The following ERGIC1 variants were observed in gnomAD, a reference collection of about 807,000 sequenced individuals.
ERGIC1 encodes endoplasmic reticulum-golgi intermediate compartment 1.
In ERGIC1, 19 loss-of-function variants were observed where a neutral mutation model predicts 38.3. The observed-to-expected ratio is 0.50, with a 90% CI of 0.35 to 0.73. The LOEUF (loss-of-function observed/expected upper bound fraction) is 0.73. Ranked by LOEUF, ERGIC1 falls within the 30% of genes least tolerant of loss-of-function variation. The probability of loss-of-function intolerance (pLI) is 0.01; values close to 1 mark genes in which losing one functional copy is unlikely to be tolerated. For missense variants in ERGIC1, 294 were observed against 389.2 expected, an observed-to-expected ratio of 0.76 and a Z score of 2.06; for synonymous variants, 124 against 157.6, an observed-to-expected ratio of 0.79 and a Z score of 1.60.
chr5:172,861,939 G>A (rs1761711530), intron 1 of ERGIC1, among the ~76,000 whole-genome samples: 1 of 151,992 alleles, frequency 6.6e-6, no homozygotes, highest in Non-Finnish European at 1.5e-5. Flanking sequence ...TTGTCCACTG[G>A]AAAGTTTAGA....
chr5:172,894,225 T>C (rs1762665125), intron 2 of ERGIC1, among the ~76,000 whole-genome samples: 1 of 133,302 alleles, frequency 7.5e-6, no homozygotes, highest in South Asian at 2.6e-4. Flanking sequence ...AGACGGAGTC[T>C]TGCTCTTTTA....
chr5:172,838,055 C>T (rs1236277559), intron 1 of ERGIC1, among the ~76,000 whole-genome samples: 1 of 152,210 alleles, frequency 6.6e-6, no homozygotes, highest in Non-Finnish European at 1.5e-5. Context: ...TGCCGCTGCA[C>T]TGGCACTGAC....
intron 1 of ERGIC1, among the ~76,000 whole-genome samples, chr5:172,877,652 T>G (rs941885171): frequency 2.6e-5 from 4 of 151,814 alleles, no homozygotes; most frequent in Admixed American, 1.3e-4. Flanking sequence ...ATCCTGGAGA[T>G]TCCCCTGTGA....
chr5:172,893,675 T>C (rs1021832885), intron 2 of ERGIC1, among the ~76,000 whole-genome samples: 7 of 151,502 alleles, frequency 4.6e-5, no homozygotes, highest in African/African-American at 1.7e-4. Flanking sequence ...TTTGGATTGA[T>C]AGCTGATCTC....
At chr5:172,935,368 G>A (rs1248767534) in intron 9 of ERGIC1, 58 bp downstream of exon 9, 6 of 1,608,682 alleles carry the variant, frequency 3.7e-6, no homozygotes, top group Non-Finnish European at 5.1e-6. Context: ...GCCTGCTCTG[G>A]GCCCCTTTCC....
rs543245104 is a variant in ERGIC1, at chr5:172,846,305, G to T, written c.20+11872G>T. ...GTGTGATGCTACGTGACTTAACAGCGCCTCTTTCTGCGCTGTCTGTGCAGG... is the reference window on the plus strand; with the variant it reads ...GTGTGATGCTACGTGACTTAACAGCTCCTCTTTCTGCGCTGTCTGTGCAGG... On this transcript the variant is annotated intron_variant, in intron 1 of 9. Coordinates refer to ENST00000393784, the MANE Select transcript of ERGIC1 (RefSeq NM_001031711.3). The surrounding 1 kb of genome is among the most constrained non-coding windows in gnomAD (Gnocchi z 4.0). Among the ~76,000 whole-genome samples, 1 of 152,302 alleles carries T rather than the reference G, an allele frequency of 6.6e-6. No individual in the cohort carries two copies. The highest frequency in any genetic ancestry group is 1.9e-4 in the East Asian group (1 of 5,184).
chr5:172,945,712 T>G (rs1377547670), intron 9 of ERGIC1, among the ~76,000 whole-genome samples: 1 of 152,080 alleles, frequency 6.6e-6, no homozygotes, highest in African/African-American at 2.4e-5. Flanking sequence ...GGCAACAGAG[T>G]CTTGCTCTGT....
intron 2 of ERGIC1, among the ~76,000 whole-genome samples, chr5:172,893,905 A>ATGTGTGTG (rs1554110394): frequency 0.015 from 236 of 15,518 alleles, 13 homozygotes; most frequent in African/African-American, 0.021. Context: ...ATATATATAT[A>ATGTGTGTG]TGTGTGTGTG....
chr5:172,858,957 C>T lies in ERGIC1; in HGVS notation c.20+24524C>T, dbSNP rs1053522255. Among the ~76,000 whole-genome samples the T allele has an allele frequency of 3.9e-5, 6 of 152,380 alleles. No individual in the cohort carries two copies. In the East Asian group the frequency reaches 1.2e-3, roughly 29 times the overall value. On this transcript the variant is annotated intron_variant, in intron 1 of 9. Transcript: ENST00000393784. ...TCTGTGTGGTCAAAAGCTACAAGGC[C>T]TGTGGCTGGGGGAGCTGTGCTGAGG...
chr5:172,848,993 C>T (rs1364143567), intron 1 of ERGIC1, among the ~76,000 whole-genome samples: 7 of 152,204 alleles, frequency 4.6e-5, no homozygotes, highest in Non-Finnish European at 1.0e-4. Context: ...TGCTTGAAGC[C>T]ATGTTAGTCC....
intron 1 of ERGIC1, among the ~76,000 whole-genome samples, chr5:172,850,198 G>C (rs1761368837): frequency 6.6e-6 from 1 of 152,202 alleles, no homozygotes; most frequent in Non-Finnish European, 1.5e-5. Context: ...CGTTGGCCAA[G>C]CTGCAAAACT....
At chr5:172,902,991 A>T (rs1463331973) in intron 3 of ERGIC1, among the ~76,000 whole-genome samples, 1 of 119,156 alleles carries the variant, frequency 8.4e-6, no homozygotes, top group Non-Finnish European at 1.7e-5. Flanking sequence ...ACACCTCCCC[A>T]GGCCCTTGCG....
chr5:172,865,164 C>T (rs1198685681), intron 1 of ERGIC1, among the ~76,000 whole-genome samples: 1 of 145,442 alleles, frequency 6.9e-6, no homozygotes, highest in African/African-American at 2.5e-5. Context: ...AAGCAATTCT[C>T]TTGCCTCAGT....
At chr5:172,857,257 T>C (rs1300473562) in intron 1 of ERGIC1, among the ~76,000 whole-genome samples, 1 of 152,200 alleles carries the variant, frequency 6.6e-6, no homozygotes, top group African/African-American at 2.4e-5. Context: ...TGAATGGGGC[T>C]GAGACGCTTG....
At chr5:172,860,003 A>G (rs1185211578) in intron 1 of ERGIC1, among the ~76,000 whole-genome samples, 1 of 152,214 alleles carries the variant, frequency 6.6e-6, no homozygotes, top group Non-Finnish European at 1.5e-5. Context: ...TGTAGAAAGT[A>G]CTTGTCCTGA....
rs1399582954 is a variant in ERGIC1, at chr5:172,926,383, G to A, written c.481-126G>A. 3 of 978,502 alleles carry A rather than the reference G, an allele frequency of 3.1e-6. No individual in the cohort carries two copies. Among genetic ancestry groups the A allele is most frequent in the African/African-American group, 1.6e-5 (1 of 61,870 alleles). The allele number at this position is 978,502 out of a possible 1,614,324, so 60.6% of individuals were successfully genotyped here. On this transcript the variant is annotated intron_variant, in intron 6 of 9. Transcript: ENST00000393784. The surrounding 1 kb of genome is among the most constrained non-coding windows in gnomAD (Gnocchi z 5.2). ...GCCTCTTGCTCCCCACAAATCCGCT[G>A]GAGCCCCCTTTTACACATTGGTAGG...
intron 5 of ERGIC1, chr5:172,915,764 CCCCTT>C (rs974380379): frequency 2.2e-5 from 9 of 400,058 alleles, no homozygotes; most frequent in African/African-American, 1.2e-4. Flanking sequence ...TCCCACAACT[CCCCTT>C]CCCAGCCCCA....
chr5:172,865,248 G>C (rs793032), intron 1 of ERGIC1, among the ~76,000 whole-genome samples: 209 of 152,150 alleles, frequency 1.4e-3, no homozygotes, highest in African/African-American at 4.6e-3. Flanking sequence ...TAGAGACTGG[G>C]TTTCACCATG....
intron 1 of ERGIC1, among the ~76,000 whole-genome samples, chr5:172,870,457 G>A (rs555928897): frequency 1.4e-4 from 21 of 152,112 alleles, no homozygotes; most frequent in Non-Finnish European, 2.1e-4. Flanking sequence ...CACATGTAAG[G>A]CCTGGCTGTC....
Sources: gnomAD v4.1 joint callset for allele counts (sites outside exome capture counted in the v4.1 genomes callset) on GRCh38, gnomAD v4.1.1 for gene constraint, Gnocchi (gnomAD v3.1) non-coding constraint, MANE v1.5 for transcripts, NCBI Gene and HGNC (gene_info 2026-07-23, HGNC 2026-07-21) for gene names.